Variants in DIDO1 observed in about 807,000 individuals in gnomAD.
DIDO1 encodes the protein death inducer-obliterator 1.
DIDO1 carries 16 observed loss-of-function variants against 99.4 expected under a neutral mutation model. That is an observed-to-expected ratio of 0.16 (90% CI 0.11 to 0.24). The LOEUF (loss-of-function observed/expected upper bound fraction) is 0.24, where lower values mean the gene tolerates loss of function less well. Among genes scored for constraint, DIDO1 ranks in the 10% least tolerant of loss-of-function variants. The pLI is 1.00. For synonymous variants in DIDO1, 1,366 were observed against 1,239.1 expected, an observed-to-expected ratio of 1.10 and a Z score of -2.15; for missense variants, 2,996 against 3,014.0, an observed-to-expected ratio of 0.99 and a Z score of 0.14.
intron 15 of DIDO1, chr20:62,890,603 C>G: frequency 1.8e-6 from 2 of 1,098,270 alleles, no homozygotes; most frequent in Non-Finnish European, 2.2e-6. Context: ...GCTCCCGAGT[C>G]TGTCTAGAGG....
At chr20:62,884,505 A>G (rs999213510) in intron 15 of DIDO1, among the ~76,000 whole-genome samples, 5 of 152,262 alleles carry the variant, frequency 3.3e-5, no homozygotes, top group Admixed American at 6.5e-5. Flanking sequence ...TCTTCCCCTT[A>G]CAGTGAAAAC....
At position 62,879,745 on chromosome 20, in the gene DIDO1, G is replaced by C. The variant is rs1326316190; in HGVS notation, c.6211C>G (p.Arg2071Gly). Residue 2071 changes from arginine (R) to glycine (G), a missense_variant, in exon 16 of 16, where the codon CGA becomes GGA. Around this residue, in one of 5 missense-constraint regions of DIDO1, gnomAD observed 1,562 missense variants for 1,412.6 expected, o/e 1.11. Transcript: ENST00000395343. The surrounding 1 kb of genome is among the most constrained non-coding windows in gnomAD (Gnocchi z 6.3). ...CTGTATTCGTGGCCTTTCCCCTCTC[G>C]GAAGTCGGCCGATGCCCACTGTCCG... ...ADGQWASADF[R>G]EGKGHEYRNQ... 1.2e-6 allele frequency: 2 copies of C among 1,611,568 alleles called. No individual in the cohort carries two copies. Among genetic ancestry groups the C allele is most frequent in the Admixed American group, 1.7e-5 (1 of 60,006 alleles).
chr20:62,886,265 T>G (rs749843843), intron 15 of DIDO1, among the ~76,000 whole-genome samples: 1 of 152,296 alleles, frequency 6.6e-6, no homozygotes, highest in Non-Finnish European at 1.5e-5. Context: ...TGATCAGGCC[T>G]GGAACAAGGG....
chr20:62,905,765 C>T (rs1454303290), intron 6 of DIDO1, 122 bp downstream of exon 6: 8 of 1,608,720 alleles, frequency 5.0e-6, no homozygotes, highest in Non-Finnish European at 6.8e-6. Context: ...GCTGATGGTG[C>T]AGCCGGTGTC....
chr20:62,905,672 G>C, intron 6 of DIDO1: 2 of 1,596,778 alleles, frequency 1.3e-6, no homozygotes, highest in Admixed American at 1.8e-5. Flanking sequence ...TTACAGCTTT[G>C]GAAAACAGTG....
chr20:62,913,257 G>C (rs1287735199), intron 2 of DIDO1, among the ~76,000 whole-genome samples: 1 of 151,908 alleles, frequency 6.6e-6, no homozygotes, highest in Admixed American at 6.6e-5. Flanking sequence ...CACCTGAAGT[G>C]ACCCCATTGT....
At chr20:62,912,638 G>C (rs1360102349) in intron 2 of DIDO1, among the ~76,000 whole-genome samples, 1 of 152,146 alleles carries the variant, frequency 6.6e-6, no homozygotes, top group African/African-American at 2.4e-5. Context: ...TTTCCAAGCT[G>C]TCCAAGCTTT....
intron 1 of DIDO1, among the ~76,000 whole-genome samples, chr20:62,925,642 G>A (rs2065237485): frequency 6.6e-6 from 1 of 152,222 alleles, no homozygotes; most frequent in Non-Finnish European, 1.5e-5. Context: ...ATTTAGAGCA[G>A]AAAAGCCGGC....
At position 62,879,966 on chromosome 20, in the gene DIDO1, G is replaced by A; in HGVS notation, c.5990C>T (p.Pro1997Leu). The A allele has an allele frequency of 6.2e-7, 1 of 1,605,212 alleles. No individual in the cohort carries two copies. Among genetic ancestry groups the A allele is most frequent in the Non-Finnish European group, 8.5e-7 (1 of 1,177,924 alleles). ...GGTCTGCTCATTTTTTTCAGAAAAG[G>A]GTGCGGACCCCCGTAGTCCACCAAA... ...LQFGGLRGSA[P>L]FSEKNEQTPS... is the part of the protein sequence containing the mutation. Residue 1997 changes from proline (P) to leucine (L), a missense_variant, in exon 16 of 16, where the codon CCC becomes CTC. By Grantham distance (98) the Pro-to-Leu change is moderately conservative. Coordinates refer to ENST00000395343, the MANE Select transcript of DIDO1 (RefSeq NM_001193369.2). This position sits in a 1 kb window ranked among gnomAD's most constrained non-coding sequence, Gnocchi z 6.3.
At position 62,891,162 on chromosome 20, in the gene DIDO1, TGGAAGAGTG is replaced by T. The variant is rs2064389402; in HGVS notation, c.3346-16_3346-8del. ...AGCGGATCAGACAGAGCTCCTGCAA[TGGAAGAGTG>T]GGAAGCACTCATAAAGAAAATGTGG... On this transcript the variant is annotated splice_polypyrimidine_tract_variant and splice_region_variant and intron_variant, in intron 14 of 15. Coordinates refer to ENST00000395343, the MANE Select transcript of DIDO1 (RefSeq NM_001193369.2). 1.2e-6 allele frequency: 2 copies of T among 1,613,654 alleles called. No homozygotes were observed. The highest frequency in any genetic ancestry group is 1.7e-5 in the Admixed American group (1 of 59,992).
At chr20:62,932,946 C>T (rs959718919) in intron 1 of DIDO1, among the ~76,000 whole-genome samples, 4 of 152,188 alleles carry the variant, frequency 2.6e-5, no homozygotes, top group Non-Finnish European at 5.9e-5. Flanking sequence ...GGCGCCATGG[C>T]TCATGCCTGT....
At chr20:62,930,762 G>A (rs1409404124), upstream of DIDO1, among the ~76,000 whole-genome samples, 1 of 152,216 alleles carries the variant, frequency 6.6e-6, no homozygotes, top group Non-Finnish European at 1.5e-5. Flanking sequence ...AACAACAAGG[G>A]ATGATGGATC....
rs777658265 is a variant in DIDO1, at chr20:62,879,941, G to A, written c.6015C>T (p.Thr2005=). ...GGCCCTGGAAGTGAAATCGCGAAGGGGTCTGCTCATTTTTTTCAGAAAAGG... is the reference window on the plus strand; with the variant it reads ...GGCCCTGGAAGTGAAATCGCGAAGGAGTCTGCTCATTTTTTTCAGAAAAGG... ...SAPFSEKNEQ[T]PSRFHFQGQA... Residue 2005 remains threonine, a synonymous_variant, in exon 16 of 16, where the codon ACC becomes ACT. Coordinates refer to ENST00000395343, the MANE Select transcript of DIDO1 (RefSeq NM_001193369.2). This position sits in a 1 kb window ranked among gnomAD's most constrained non-coding sequence, Gnocchi z 6.3. 3.7e-6 allele frequency: 6 copies of A among 1,604,584 alleles called. No individual in the cohort carries two copies. The highest frequency in any genetic ancestry group is 4.2e-6 in the Non-Finnish European group (5 of 1,176,914).
intron 15 of DIDO1, among the ~76,000 whole-genome samples, chr20:62,886,683 A>G (rs1477057483): frequency 6.6e-6 from 1 of 152,100 alleles, no homozygotes; most frequent in Non-Finnish European, 1.5e-5. Context: ...ACCCCAAACT[A>G]TCACAGTGAG....
Position 62,880,365 on chromosome 20 carries a change from G to A in DIDO1, c.5591C>T (p.Thr1864Met), listed in dbSNP as rs376942853. The change falls in exon 16 of 16, where the codon ACG (threonine) becomes ATG (methionine). Residue 1864 changes from threonine to methionine, a missense_variant. Transcript: ENST00000395343. The stretch of plus-strand genomic sequence containing the variant: ...CCCTTCAAACTGGGCGGGGGCGCCC[G>A]TCACCTCGTTATACGGGGCGTCCTG... ...EFQDAPYNEVTGAPAQFEGTE... is the reference protein window; with the variant it reads ...EFQDAPYNEVMGAPAQFEGTE... 23 of 1,612,738 alleles carry A rather than the reference G, an allele frequency of 1.4e-5. No homozygotes were observed. Among genetic ancestry groups the A allele is most frequent in the Non-Finnish European group, 1.7e-5 (20 of 1,180,028 alleles).
At chr20:62,933,075 G>C (rs1485748596) in intron 1 of DIDO1, among the ~76,000 whole-genome samples, 1 of 152,334 alleles carries the variant, frequency 6.6e-6, no homozygotes, top group Middle Eastern at 3.4e-3. Context: ...AGCCGGGCGT[G>C]GTGGCGCATG....
Position 62,896,681 on chromosome 20 carries a change from A to C in DIDO1, c.1904T>G (p.Val635Gly), listed in dbSNP as rs547715269. The C allele has an allele frequency of 6.2e-7, 1 of 1,613,922 alleles. No homozygotes were observed. ...SKKFPGSAAL[V>G]GAVRKPVVPS... is the part of the protein sequence containing the mutation. ...TACCACTGGCTTCCTTACGGCTCCC[A>C]CCAAAGCAGCGGAGCCAGGGAACTT... The change falls in exon 7 of 16, where the codon GTG (valine) becomes GGG (glycine). Residue 635 changes from valine to glycine, a missense_variant. Physicochemically the swap from Val to Gly is moderately radical, Grantham distance 109. Around this residue, in one of 5 missense-constraint regions of DIDO1, gnomAD observed 898 missense variants for 972.7 expected, o/e 0.92. Coordinates refer to ENST00000395343, the MANE Select transcript of DIDO1 (RefSeq NM_001193369.2). The surrounding 1 kb of genome is among the most constrained non-coding windows in gnomAD (Gnocchi z 4.4).
chr20:62,887,924 G>A (rs1481825265), intron 15 of DIDO1: 2 of 985,388 alleles, frequency 2.0e-6, no homozygotes, highest in Non-Finnish European at 2.4e-6. Flanking sequence ...GGGGCAGAGG[G>A]GCAGAGGAAG....
upstream of DIDO1, among the ~76,000 whole-genome samples, chr20:62,930,232 A>C (rs767588567): frequency 4.0e-5 from 6 of 150,220 alleles, no homozygotes; most frequent in Admixed American, 3.3e-4. Flanking sequence ...AAAAAAAAAA[A>C]CACAGATCTT....
Sources: allele counts gnomAD v4.1 joint callset (sites outside exome capture counted in the v4.1 genomes callset), GRCh38; gene constraint gnomAD v4.1.1; regional missense constraint gnomAD v4.1.1; non-coding constraint Gnocchi (gnomAD v3.1); transcripts MANE v1.5; gene names NCBI Gene and HGNC (gene_info 2026-07-23, HGNC 2026-07-21).